Variants in NALF1 observed in about 807,000 individuals in gnomAD.
The protein encoded by NALF1 is NALCN channel auxiliary factor 1.
In NALF1, 3 loss-of-function variants were observed where a neutral mutation model predicts 48.4. That is an observed-to-expected ratio of 0.06 (90% CI 0.03 to 0.16). The LOEUF is 0.16. NALF1 is among the 10% of genes least tolerant of loss of function. The probability of loss-of-function intolerance (pLI) is 1.00; values close to 1 mark genes in which losing one functional copy is unlikely to be tolerated. For missense variants in NALF1, 526 were observed against 571.5 expected (o/e 0.92, Z 0.81); for synonymous variants, 262 against 245.7 (o/e 1.07, Z -0.62).
chr13:107,297,791 G>A (rs962405010), intron 1 of NALF1, among the ~76,000 whole-genome samples: 1 of 152,140 alleles, frequency 6.6e-6, no homozygotes, highest in African/African-American at 2.4e-5. Flanking sequence ...GCAATATGGA[G>A]CAGACTAAAT....
chr13:107,721,109 TACACAC>T (rs66578211), intron 1 of NALF1, among the ~76,000 whole-genome samples: 8,767 of 143,566 alleles, frequency 0.061, 316 homozygotes, highest in South Asian at 0.12. Context: ...CAGATCTCAA[TACACAC>T]ACACACACAC....
chr13:107,681,432 C>A (rs1018865455), intron 1 of NALF1, among the ~76,000 whole-genome samples: 2 of 151,970 alleles, frequency 1.3e-5, no homozygotes, highest in Non-Finnish European at 2.9e-5. Context: ...CCTGTCGCTC[C>A]CTAATTGCCC....
chr13:107,665,430 A>T (rs575970152), intron 1 of NALF1, among the ~76,000 whole-genome samples: 1 of 152,284 alleles, frequency 6.6e-6, no homozygotes, highest in South Asian at 2.1e-4. Flanking sequence ...TTTACAATAC[A>T]GGCACTGTAA....
chr13:107,760,907 G>A (rs191515015), intron 1 of NALF1, among the ~76,000 whole-genome samples: 1 of 152,308 alleles, frequency 6.6e-6, no homozygotes, highest in South Asian at 2.1e-4. Flanking sequence ...CGAAAGAGAA[G>A]AAAGGAGCTA....
At chr13:107,634,190 T>G (rs1280222004) in intron 1 of NALF1, among the ~76,000 whole-genome samples, 1 of 152,012 alleles carries the variant, frequency 6.6e-6, no homozygotes, top group Non-Finnish European at 1.5e-5. Flanking sequence ...GACAGACCTC[T>G]GGAAAGGGAG....
intron 1 of NALF1, among the ~76,000 whole-genome samples, chr13:107,498,634 G>A (rs1397212130): frequency 6.6e-6 from 1 of 152,184 alleles, no homozygotes; most frequent in East Asian, 1.9e-4. Flanking sequence ...TTTTAGAACT[G>A]AGGAATTCCT....
chr13:107,796,579 T>A (rs1420498158), intron 1 of NALF1, among the ~76,000 whole-genome samples: 2 of 152,164 alleles, frequency 1.3e-5, no homozygotes, highest in Non-Finnish European at 2.9e-5. Context: ...TATTAATAAG[T>A]CTGAAAGTAC....
chr13:107,507,333 AG>A (rs1295692948), intron 1 of NALF1, among the ~76,000 whole-genome samples: 1 of 151,990 alleles, frequency 6.6e-6, no homozygotes, highest in African/African-American at 2.4e-5. Flanking sequence ...GGCTTCTTCA[AG>A]TTTTCTTTCC....
At chr13:107,768,734 G>C (rs1877489202) in intron 1 of NALF1, among the ~76,000 whole-genome samples, 1 of 152,102 alleles carries the variant, frequency 6.6e-6, no homozygotes, top group Admixed American at 6.5e-5. Context: ...TTTCTTCAGA[G>C]TTTAGAAATG....
chr13:107,618,416 A>G (rs781084839), intron 1 of NALF1, among the ~76,000 whole-genome samples: 8 of 152,180 alleles, frequency 5.3e-5, no homozygotes, highest in Admixed American at 1.3e-4. Context: ...TTGTTTTATG[A>G]TAAGTGTAAA....
intron 1 of NALF1, among the ~76,000 whole-genome samples, chr13:107,545,553 C>T (rs1877113467): frequency 1.3e-5 from 2 of 152,054 alleles, no homozygotes; most frequent in African/African-American, 4.8e-5. Flanking sequence ...GCAAGAACTC[C>T]CTGAAGGACA....
At chr13:107,344,292 T>C (rs1278893417) in intron 1 of NALF1, among the ~76,000 whole-genome samples, 1 of 152,092 alleles carries the variant, frequency 6.6e-6, no homozygotes, top group Non-Finnish European at 1.5e-5. Context: ...TCTCAAACTC[T>C]TCCAAAAAAC....
At chr13:107,731,419 GT>G (rs2138535998) in intron 1 of NALF1, among the ~76,000 whole-genome samples, 1 of 152,022 alleles carries the variant, frequency 6.6e-6, no homozygotes, top group Non-Finnish European at 1.5e-5. Flanking sequence ...TTTATTTTAG[GT>G]TCAGGAGTAC....
chr13:107,520,021 AT>A (rs1281871520), intron 1 of NALF1, among the ~76,000 whole-genome samples: 2 of 152,164 alleles, frequency 1.3e-5, no homozygotes, highest in African/African-American at 4.8e-5. Context: ...TGCTGTAAGG[AT>A]TAATTTTTTA....
At chr13:107,201,855 G>A (rs1204051871) in intron 2 of NALF1, among the ~76,000 whole-genome samples, 1 of 152,092 alleles carries the variant, frequency 6.6e-6, no homozygotes, top group Non-Finnish European at 1.5e-5. Context: ...TTCCGTAAAG[G>A]AGGAGCTATT....
intron 1 of NALF1, among the ~76,000 whole-genome samples, chr13:107,247,061 T>C (rs1321453863): frequency 6.6e-6 from 1 of 152,166 alleles, no homozygotes. Context: ...GAACATTTAC[T>C]AGCCAGGGAA....
intron 1 of NALF1, among the ~76,000 whole-genome samples, chr13:107,598,407 T>C (rs769520148): frequency 6.6e-6 from 1 of 152,214 alleles, no homozygotes. Context: ...AGTTTTAAAA[T>C]AATTTATAGA....
At chr13:107,713,520 TTCCATAGATGAGGTAAC>T (rs1042407417) in intron 1 of NALF1, among the ~76,000 whole-genome samples, 7 of 152,214 alleles carry the variant, frequency 4.6e-5, no homozygotes, top group African/African-American at 1.7e-4. Flanking sequence ...ATTATCTACA[TTCCATAGATGAGGTAAC>T]TGAGGGATAA....
chr13:107,274,070 C>A (rs1051078691), intron 1 of NALF1, among the ~76,000 whole-genome samples: 1 of 151,934 alleles, frequency 6.6e-6, no homozygotes, highest in Non-Finnish European at 1.5e-5. Context: ...GTCAATAATT[C>A]ACTTTCGTAC....
Sources: gnomAD v4.1 joint callset for allele counts (sites outside exome capture counted in the v4.1 genomes callset) on GRCh38, gnomAD v4.1.1 for gene constraint, MANE v1.5 for transcripts, NCBI Gene and HGNC (gene_info 2026-07-23, HGNC 2026-07-21) for gene names.